The following TPRG1 variants were observed in gnomAD, a reference collection of about 807,000 sequenced individuals.
TPRG1 encodes tumor protein p63-regulated gene 1 protein.
Under a neutral mutation model 29.3 loss-of-function variants are expected in TPRG1, and 29 were observed. The ratio of observed to expected loss-of-function variants is 0.99; its 90% CI spans 0.74 to 1.35. The LOEUF is 1.35. TPRG1 is among the 40% of genes most tolerant of loss of function. The pLI, the probability that TPRG1 is intolerant of heterozygous loss-of-function variation, is 0.00. For synonymous variants in TPRG1, 130 were observed against 116.8 expected, an observed-to-expected ratio of 1.11 and a Z score of -0.73; for missense variants, 327 against 335.0, an observed-to-expected ratio of 0.98 and a Z score of 0.19.
At chr3:189,086,554 G>C (rs1717955351) in intron 4 of TPRG1, among the ~76,000 whole-genome samples, 2 of 138,912 alleles carry the variant, frequency 1.4e-5, no homozygotes, top group African/African-American at 5.5e-5. Context: ...TGAGATGGAA[G>C]TTTGCTCTTG....
chr3:189,140,309 C>A (rs573198642), intron 3 of TPRG1, among the ~76,000 whole-genome samples: 1 of 152,282 alleles, frequency 6.6e-6, no homozygotes, highest in South Asian at 2.1e-4. Context: ...AATCCTGACC[C>A]CAGCCCTCCC....
chr3:189,320,601 T>C (rs746739795), intron 5 of TPRG1, 25 bp from the exon 6 acceptor site: 1 of 1,574,366 alleles, frequency 6.4e-7, no homozygotes, highest in African/African-American at 1.4e-5. Flanking sequence ...TAACTAACTT[T>C]GTGCCTTCTT....
At chr3:189,008,265 G>A (rs750851596) in intron 3 of TPRG1, among the ~76,000 whole-genome samples, 5 of 152,036 alleles carry the variant, frequency 3.3e-5, no homozygotes, top group Non-Finnish European at 5.9e-5. Flanking sequence ...TACTTTGTTC[G>A]CAGTTAGTCA....
chr3:189,254,119 G>A (rs1430239509), intron 4 of TPRG1, among the ~76,000 whole-genome samples: 2 of 152,120 alleles, frequency 1.3e-5, no homozygotes, highest in African/African-American at 4.8e-5. Flanking sequence ...GAATGGTATT[G>A]CCTAGGTTTT....
intron 1 of TPRG1, among the ~76,000 whole-genome samples, chr3:189,202,025 A>G (rs1404702150): frequency 1.3e-5 from 2 of 152,048 alleles, no homozygotes; most frequent in South Asian, 2.1e-4. Flanking sequence ...CCTCCGACTC[A>G]TGTTCTGGCA....
intron 3 of TPRG1, chr3:189,217,803 A>G (rs1736298944): frequency 3.1e-6 from 3 of 981,084 alleles, no homozygotes. Flanking sequence ...ATTGTCAAAA[A>G]GAGGAGCATT....
intron 3 of TPRG1, among the ~76,000 whole-genome samples, chr3:189,233,438 G>A (rs1463340037): frequency 6.6e-6 from 1 of 152,106 alleles, no homozygotes; most frequent in African/African-American, 2.4e-5. Flanking sequence ...GCCCTCTGCT[G>A]GTGAAACTGT....
At chr3:189,054,900 A>G (rs1715563956) in intron 4 of TPRG1, among the ~76,000 whole-genome samples, 1 of 152,228 alleles carries the variant, frequency 6.6e-6, no homozygotes, top group Admixed American at 6.5e-5. Flanking sequence ...CGAAGTAAGC[A>G]TGTGCTGGTG....
chr3:189,211,430 A>G (rs1735242924), intron 2 of TPRG1, among the ~76,000 whole-genome samples: 1 of 152,220 alleles, frequency 6.6e-6, no homozygotes, highest in Non-Finnish European at 1.5e-5. Context: ...TGACTGACAC[A>G]TAAATTAATT....
chr3:189,166,551 G>A (rs1298727370), intron 5 of TPRG1, among the ~76,000 whole-genome samples: 3 of 152,168 alleles, frequency 2.0e-5, no homozygotes, highest in Non-Finnish European at 2.9e-5. Flanking sequence ...AGTCAACTAG[G>A]GAAGTAACTC....
rs10937380 is a variant in TPRG1, at chr3:189,003,019, C to T, written c.-877-1524C>T. Among the ~76,000 whole-genome samples, 1,158 of 152,138 alleles carry T rather than the reference C, an allele frequency of 7.6e-3. 33 individuals carry two copies. The East Asian group carries it at 0.089, about 12-fold the overall frequency. On this transcript the variant is annotated intron_variant, in intron 2 of 10. Transcript: ENST00000433971. ...CTATTAATAATTTTAAAATGGCTTC[C>T]GAGTCTTCTAAACAAAGACTGAAAT...
rs181558240 is a variant in TPRG1 at position 189,176,721 on chromosome 3, C to A, written c.-10+4590C>A. Among the ~76,000 whole-genome samples the A allele has an allele frequency of 2.0e-3, 297 of 152,262 alleles. 1 individual carries two copies. The highest frequency in any genetic ancestry group is 4.3e-3 in the Admixed American group (66 of 15,292). ...TTCCAGGCAGCTGGAACAGGAAGTGCAAAGGCCTTGAAGCAAGAGCTTGCC... is the reference window on the plus strand; with the variant it reads ...TTCCAGGCAGCTGGAACAGGAAGTGAAAAGGCCTTGAAGCAAGAGCTTGCC... On this transcript the variant is annotated intron_variant, in intron 1 of 5. Transcript: ENST00000345063.
chr3:189,160,291 G>A (rs778435572), intron 5 of TPRG1, among the ~76,000 whole-genome samples: 4 of 152,156 alleles, frequency 2.6e-5, no homozygotes, highest in Non-Finnish European at 4.4e-5. Flanking sequence ...ATCTCACATG[G>A]CAGTGAGGAG....
At chr3:189,055,614 A>G (rs771202832) in intron 4 of TPRG1, among the ~76,000 whole-genome samples, 2 of 152,232 alleles carry the variant, frequency 1.3e-5, no homozygotes, top group African/African-American at 2.4e-5. Flanking sequence ...GGGAATATGT[A>G]ACATATCAGA....
intron 4 of TPRG1, among the ~76,000 whole-genome samples, chr3:189,280,231 G>GAATGAATGCACCTGTGGATATACATA (rs1202445725): frequency 3.8e-4 from 58 of 150,756 alleles, no homozygotes; most frequent in Non-Finnish European, 1.8e-4. Flanking sequence ...ATATAGAAGT[G>GAATGAATGCACCTGTGGATATACATA]AATGAATGCA....
chr3:189,267,063 A>G (rs563891679), intron 4 of TPRG1, among the ~76,000 whole-genome samples: 8 of 152,318 alleles, frequency 5.3e-5, no homozygotes, highest in South Asian at 2.1e-4. Flanking sequence ...CACAGACCAC[A>G]TATATGATGG....
chr3:189,126,967 A>C (rs1722569920), intron 1 of TPRG1: 1 of 152,218 alleles, frequency 6.6e-6, no homozygotes, highest in Non-Finnish European at 1.5e-5. Context: ...TAAATCCAGC[A>C]GGAATATCCT....
chr3:189,079,222 C>A (rs1171169434), intron 4 of TPRG1, among the ~76,000 whole-genome samples: 1 of 152,078 alleles, frequency 6.6e-6, no homozygotes, highest in African/African-American at 2.4e-5. Flanking sequence ...CTCTTTATGG[C>A]AAGTAGGGAG....
intron 1 of TPRG1, among the ~76,000 whole-genome samples, chr3:189,198,435 C>G (rs1732918664): frequency 6.6e-6 from 1 of 152,220 alleles, no homozygotes; most frequent in African/African-American, 2.4e-5. Context: ...AGATTAAAGA[C>G]TGTGGTATGA....
Sources: allele counts gnomAD v4.1 joint callset (sites outside exome capture counted in the v4.1 genomes callset), GRCh38; gene constraint gnomAD v4.1.1; transcripts MANE v1.5; gene names NCBI Gene and HGNC (gene_info 2026-07-23, HGNC 2026-07-21).